USH2A: variants seen among roughly 807,000 people sequenced by gnomAD.
The protein encoded by USH2A is usherin.
Under a neutral mutation model 538.9 loss-of-function variants are expected in USH2A, and 443 were observed. The ratio of observed to expected loss-of-function variants is 0.82; its 90% CI spans 0.76 to 0.89. The LOEUF is 0.89. Ranked by LOEUF, USH2A falls within the 40% of genes least tolerant of loss-of-function variation. USH2A has a pLI of 0.00. For missense variants in USH2A, 6,633 were observed against 6,324.8 expected (o/e 1.05, Z -1.65); for synonymous variants, 2,413 against 2,273.5 (o/e 1.06, Z -1.75).
At chr1:215,712,338 G>C (rs1037413908) in intron 61 of USH2A, among the ~76,000 whole-genome samples, 8 of 152,328 alleles carry the variant, frequency 5.3e-5, no homozygotes, top group Middle Eastern at 3.4e-3. Flanking sequence ...AGAGTGATTT[G>C]TTCTTTCCCT....
chr1:215,960,993 C>G (rs6658138), intron 37 of USH2A, among the ~76,000 whole-genome samples: 3 of 151,978 alleles, frequency 2.0e-5, no homozygotes, highest in African/African-American at 7.2e-5. Flanking sequence ...TCAGGTCCAA[C>G]CTTTGTTGCC....
At chr1:215,898,453 T>C (rs1665405440) in intron 40 of USH2A, among the ~76,000 whole-genome samples, 1 of 152,164 alleles carries the variant, frequency 6.6e-6, no homozygotes, top group African/African-American at 2.4e-5. Flanking sequence ...TTTGGACTTT[T>C]GCTTATTTAT....
chr1:215,786,520 A>G (rs1661805268), intron 52 of USH2A, 150 bp downstream of exon 52: 1 of 836,812 alleles, frequency 1.2e-6, no homozygotes, highest in East Asian at 2.6e-5. Flanking sequence ...TATGCCTTTA[A>G]TTACCTTGTA....
intron 24 of USH2A, 41 bp downstream of exon 24, chr1:216,086,677 TA>T: frequency 7.1e-7 from 1 of 1,404,958 alleles, no homozygotes. Context: ...GGTTCTATTC[TA>T]AGTTTGGATG....
In USH2A at chr1:215,650,700, C is replaced by T. The variant is rs1657036113; in HGVS notation, c.14235G>A (p.Val4745=). The T allele has an allele frequency of 6.2e-7, 1 of 1,613,998 alleles. No homozygotes were observed. The highest frequency in any genetic ancestry group is 8.5e-7 in the Non-Finnish European group (1 of 1,180,008). The stretch of plus-strand genomic sequence containing the variant: ...TGACCACTGCTTGGGTAGAAGAGAT[C>T]ACATGGAACGTGGGGGCTCTGAGAC... ...PEGLRAPTFH[V]ISSTQAVVNI... The change falls in exon 65 of 72, where the codon GTG becomes GTA. Residue 4745 remains valine, a synonymous_variant. Transcript: ENST00000307340.
At chr1:215,946,388 G>C (rs1666757642) in intron 37 of USH2A, among the ~76,000 whole-genome samples, 1 of 152,182 alleles carries the variant, frequency 6.6e-6, no homozygotes, top group Non-Finnish European at 1.5e-5. Context: ...GGATATTCAG[G>C]AGAGACAGAC....
rs922021730 is a variant in USH2A, at chr1:216,360,828, T to C, written c.784+4125A>G. Among the ~76,000 whole-genome samples the C allele has an allele frequency of 3.9e-5, 6 of 152,232 alleles. 1 individual carries two copies. In the Middle Eastern group the frequency reaches 0.01, roughly 259 times the overall value. ...GAGAAATCAAGGAATATATTACATT[T>C]ATGGGCTGGATACTTGATATTGTTC... On this transcript the variant is annotated intron_variant, in intron 4 of 71. Transcript: ENST00000307340.
chr1:216,131,022 C>T (rs1470604242), intron 21 of USH2A, among the ~76,000 whole-genome samples: 3 of 151,504 alleles, frequency 2.0e-5, no homozygotes, highest in African/African-American at 7.3e-5. Context: ...TAAGGTGGTA[C>T]TGTGTCGTGG....
At chr1:216,131,608 G>C (rs963067515) in intron 21 of USH2A, among the ~76,000 whole-genome samples, 4 of 151,922 alleles carry the variant, frequency 2.6e-5, no homozygotes, top group Non-Finnish European at 5.9e-5. Context: ...TCAGTAAAGG[G>C]CCAGTATGTT....
intron 9 of USH2A, among the ~76,000 whole-genome samples, chr1:216,302,788 T>C (rs1316977462): frequency 2.0e-5 from 3 of 152,044 alleles, no homozygotes; most frequent in Non-Finnish European, 4.4e-5. Flanking sequence ...AATTATCCAA[T>C]GAAACAAATT....
intron 38 of USH2A, among the ~76,000 whole-genome samples, chr1:215,922,715 T>C (rs1436480468): frequency 3.3e-5 from 5 of 152,046 alleles, no homozygotes; most frequent in Non-Finnish European, 5.9e-5. Context: ...GTTTGAGAAG[T>C]TGCATTTCAA....
At chr1:215,636,445 T>G (rs1656495158) in intron 69 of USH2A, among the ~76,000 whole-genome samples, 1 of 152,200 alleles carries the variant, frequency 6.6e-6, no homozygotes, top group Non-Finnish European at 1.5e-5. Flanking sequence ...GAGTCAACAC[T>G]CCAATCAAGC....
intron 11 of USH2A, among the ~76,000 whole-genome samples, chr1:216,277,956 G>A (rs749133546): frequency 4.7e-4 from 72 of 152,030 alleles, no homozygotes; most frequent in Non-Finnish European, 9.3e-4. Context: ...CAACAAATGA[G>A]CCTGTATATT....
At chr1:215,841,320 C>T (rs1219396159) in intron 46 of USH2A, among the ~76,000 whole-genome samples, 1 of 152,120 alleles carries the variant, frequency 6.6e-6, no homozygotes, top group Admixed American at 6.5e-5. Flanking sequence ...GTAACCAAAA[C>T]AGCATGGTAC....
At chr1:216,374,835 G>A (rs141298766) in intron 3 of USH2A, among the ~76,000 whole-genome samples, 1 of 152,134 alleles carries the variant, frequency 6.6e-6, no homozygotes, top group African/African-American at 2.4e-5. Context: ...GACACAAGAT[G>A]TTCTAGGCTC....
chr1:215,766,707 C>G lies in USH2A; in HGVS notation c.11021G>C (p.Gly3674Ala). 1 of 1,613,622 alleles carries G rather than the reference C, an allele frequency of 6.2e-7. No homozygotes were observed. Among genetic ancestry groups the G allele is most frequent in the South Asian group, 1.1e-5 (1 of 91,076 alleles). Residue 3674 changes from glycine to alanine, a missense_variant, in exon 56 of 72, where the codon GGT becomes GCT. Coordinates refer to ENST00000307340, the MANE Select transcript of USH2A (RefSeq NM_206933.4). ...TTCAGGAGCTGCCTGCAGTGTCTGACCTAGAAAAGGCTCGCTTGAAGTGCA... is the reference window on the plus strand; with the variant it reads ...TTCAGGAGCTGCCTGCAGTGTCTGAGCTAGAAAAGGCTCGCTTGAAGTGCA... ...AGCTSSEPFL[G>A]QTLQAAPEGV... is the part of the protein sequence containing the mutation.
chr1:216,201,355 C>A (rs58983847), intron 16 of USH2A, among the ~76,000 whole-genome samples: 1,913 of 148,886 alleles, frequency 0.013, 49 homozygotes, highest in African/African-American at 0.046. Context: ...GTCACCCAGG[C>A]TGGAGTGCAG....
chr1:215,842,116 G>C (rs1663695166), intron 46 of USH2A, among the ~76,000 whole-genome samples: 1 of 152,146 alleles, frequency 6.6e-6, no homozygotes, highest in Non-Finnish European at 1.5e-5. Flanking sequence ...CTGAGGTCAG[G>C]AGTTTGATAC....
chr1:215,817,991 A>G (rs966333234), intron 47 of USH2A, among the ~76,000 whole-genome samples: 2 of 151,978 alleles, frequency 1.3e-5, no homozygotes, highest in Admixed American at 6.6e-5. Flanking sequence ...ATGATGATCC[A>G]CTTCCACTTA....
Sources: allele counts gnomAD v4.1 joint callset (sites outside exome capture counted in the v4.1 genomes callset), GRCh38; gene constraint gnomAD v4.1.1; transcripts MANE v1.5; gene names NCBI Gene and HGNC (gene_info 2026-07-23, HGNC 2026-07-21).